Variants in ERBB4 observed in about 807,000 individuals in gnomAD.
The protein encoded by ERBB4 is receptor tyrosine-protein kinase erbB-4.
A neutral mutation model predicts 158.0 loss-of-function variants in ERBB4; 42 were observed. That is an observed-to-expected ratio of 0.27 (90% confidence interval 0.21 to 0.34). The LOEUF (loss-of-function observed/expected upper bound fraction) is 0.34, where lower values mean the gene tolerates loss of function less well. ERBB4 is among the 10% of genes least tolerant of loss of function. The probability of loss-of-function intolerance (pLI) is 1.00; values close to 1 mark genes in which losing one functional copy is unlikely to be tolerated. For synonymous variants in ERBB4, 583 were observed against 558.7 expected, an observed-to-expected ratio of 1.04 and a Z score of -0.61; for missense variants, 1,333 against 1,624.1, an observed-to-expected ratio of 0.82 and a Z score of 3.08.
Position 211,431,521 on chromosome 2 carries a change from C to A in ERBB4, c.2488-421G>T, listed in dbSNP as rs372880677. On this transcript the variant is annotated intron_variant, in intron 20 of 27. Coordinates refer to ENST00000342788, the MANE Select transcript of ERBB4 (RefSeq NM_005235.3). ...TTCCCCCTACACATCCAAACAAATA[C>A]CTTTATCCATAATTTTTAGAAATAT... is the stretch of plus-strand genomic sequence containing the variant. 3.3e-5 allele frequency among the ~76,000 whole-genome samples: 5 copies of A among 152,216 alleles called. 2 individuals carry two copies. Among genetic ancestry groups the A allele is most frequent in the African/African-American group, 1.2e-4 (5 of 41,530 alleles).
chr2:212,125,214 CA>C (rs746965800), intron 1 of ERBB4: 5 of 189,266 alleles, frequency 2.6e-5, no homozygotes, highest in Admixed American at 1.3e-4. Context: ...TTTATTTAAA[CA>C]TTTTTTTTTT....
At chr2:211,885,329 C>T (rs7589319) in intron 3 of ERBB4, among the ~76,000 whole-genome samples, 2,122 of 151,850 alleles carry the variant, frequency 0.014, 49 homozygotes, top group African/African-American at 0.048. Context: ...TAAAGCTTTA[C>T]CCAGAAAAGC....
chr2:212,378,292 T>C (rs1414291106), intron 1 of ERBB4, among the ~76,000 whole-genome samples: 1 of 151,880 alleles, frequency 6.6e-6, no homozygotes, highest in African/African-American at 2.4e-5. Flanking sequence ...GCCATCTGCA[T>C]ATAGAACTTC....
At chr2:212,143,880 G>C (rs186653483) in intron 1 of ERBB4, among the ~76,000 whole-genome samples, 2 of 152,066 alleles carry the variant, frequency 1.3e-5, no homozygotes, top group East Asian at 3.9e-4. Flanking sequence ...TTAACCATGT[G>C]TGGTGACGCA....
intron 20 of ERBB4, among the ~76,000 whole-genome samples, chr2:211,468,087 A>T (rs2064740530): frequency 6.6e-6 from 1 of 152,202 alleles, no homozygotes; most frequent in Admixed American, 6.5e-5. Flanking sequence ...ATTAGATGCA[A>T]GTAGATTTTT....
chr2:211,707,734 A>C (rs2073503973), intron 9 of ERBB4, among the ~76,000 whole-genome samples: 1 of 152,178 alleles, frequency 6.6e-6, no homozygotes. Context: ...TCTAAATAAG[A>C]AAATGAGTGC....
intron 20 of ERBB4, among the ~76,000 whole-genome samples, chr2:211,500,306 T>A (rs888065428): frequency 6.6e-6 from 1 of 152,110 alleles, no homozygotes; most frequent in Non-Finnish European, 1.5e-5. Context: ...CAGACATTTT[T>A]AAAATTCTCA....
At chr2:212,371,964 G>A (rs2090103174) in intron 1 of ERBB4, among the ~76,000 whole-genome samples, 1 of 152,036 alleles carries the variant, frequency 6.6e-6, no homozygotes, top group African/African-American at 2.4e-5. Flanking sequence ...TTGTAAAGAT[G>A]GCAATAGTAT....
intron 3 of ERBB4, among the ~76,000 whole-genome samples, chr2:211,889,782 G>A (rs540696812): frequency 0.038 from 5,788 of 151,786 alleles, 168 homozygotes; most frequent in African/African-American, 0.07. Context: ...GAGCCGATGC[G>A]ATCAACTGGA....
rs540389840 is a variant in ERBB4, at chr2:211,701,262, C to T, written c.1489+705G>A. On this transcript the variant is annotated intron_variant, in intron 12 of 27. Coordinates refer to ENST00000342788, the MANE Select transcript of ERBB4 (RefSeq NM_005235.3). Reference sequence around the variant, plus strand: ...CATGTTAGAAAAATACGTCATTTTTCTTACCACCTCTAAATGGCAAAACTC... The same window carrying T: ...CATGTTAGAAAAATACGTCATTTTTTTTACCACCTCTAAATGGCAAAACTC... Among the ~76,000 whole-genome samples the T allele has an allele frequency of 9.2e-5, 14 of 152,248 alleles. No individual in the cohort carries two copies. In the South Asian group the frequency reaches 1.9e-3, roughly 20 times the overall value.
chr2:211,674,925 A>C (rs141586437), intron 13 of ERBB4, among the ~76,000 whole-genome samples: 1 of 152,228 alleles, frequency 6.6e-6, no homozygotes, highest in Admixed American at 6.5e-5. Flanking sequence ...ACTTCCCCAC[A>C]CGCAGAGTTG....
rs761442761 is a variant in ERBB4 at position 211,379,687 on chromosome 2, T to A, written c.*3928A>T. On this transcript the variant is annotated 3_prime_UTR_variant, in exon 28 of 28. Coordinates refer to ENST00000342788, the MANE Select transcript of ERBB4 (RefSeq NM_005235.3). ...ATCTTATAGCATTATCGTGGTTCTGTCCAGTTATATACATGCTTTCATGAT... is the reference window on the plus strand; with the variant it reads ...ATCTTATAGCATTATCGTGGTTCTGACCAGTTATATACATGCTTTCATGAT... 1.3e-5 allele frequency: 3 copies of A among 231,700 alleles called. No homozygotes were observed. The highest frequency in any genetic ancestry group is 2.6e-5 in the Non-Finnish European group (3 of 117,184). 14.4% of individuals were successfully genotyped at this position (231,700 alleles called of 1,614,324 possible). A position where few individuals can be genotyped will look rare whatever the true frequency, so the allele number is the denominator to read the frequency against.
chr2:212,510,169 T>A (rs1215064697), intron 1 of ERBB4, among the ~76,000 whole-genome samples: 2 of 144,688 alleles, frequency 1.4e-5, no homozygotes, highest in African/African-American at 2.5e-5. Context: ...TATATATATA[T>A]AAAAGCCTAA....
At chr2:212,183,526 T>A (rs1226440881) in intron 1 of ERBB4, among the ~76,000 whole-genome samples, 1 of 151,986 alleles carries the variant, frequency 6.6e-6, no homozygotes, top group Non-Finnish European at 1.5e-5. Flanking sequence ...AGAAATAGGG[T>A]TTAAACTGTA....
At chr2:212,107,566 A>G (rs142379228) in intron 2 of ERBB4, among the ~76,000 whole-genome samples, 85 of 152,258 alleles carry the variant, frequency 5.6e-4, no homozygotes, top group African/African-American at 1.9e-3. Context: ...CACTGAAATG[A>G]GATAAGACTT....
intron 1 of ERBB4, among the ~76,000 whole-genome samples, chr2:212,141,456 T>C (rs1013045780): frequency 3.3e-5 from 5 of 152,062 alleles, no homozygotes; most frequent in African/African-American, 9.6e-5. Flanking sequence ...GAAATACAAA[T>C]AGGCTTCAGT....
chr2:211,726,308 C>A (rs749710024), intron 5 of ERBB4, among the ~76,000 whole-genome samples: 3 of 152,152 alleles, frequency 2.0e-5, no homozygotes, highest in Non-Finnish European at 4.4e-5. Flanking sequence ...ACTTAGCATA[C>A]TGTCTACCAG....
chr2:212,245,569 T>C (rs1240334628), intron 1 of ERBB4, among the ~76,000 whole-genome samples: 1 of 152,146 alleles, frequency 6.6e-6, no homozygotes, highest in East Asian at 1.9e-4. Context: ...GATGAAACTG[T>C]AGAGAAGGTT....
chr2:212,455,451 C>T (rs929095574), intron 1 of ERBB4, among the ~76,000 whole-genome samples: 1 of 152,088 alleles, frequency 6.6e-6, no homozygotes, highest in African/African-American at 2.4e-5. Flanking sequence ...TCTGCATTGT[C>T]CAATATGGTA....
Sources: gnomAD v4.1 joint callset for allele counts (sites outside exome capture counted in the v4.1 genomes callset) on GRCh38, gnomAD v4.1.1 for gene constraint, MANE v1.5 for transcripts, NCBI Gene and HGNC (gene_info 2026-07-23, HGNC 2026-07-21) for gene names.